C8orf34: variants seen among roughly 807,000 people sequenced by gnomAD.
C8orf34 encodes the protein uncharacterized protein C8orf34.
A neutral mutation model predicts 68.3 loss-of-function variants in C8orf34; 65 were observed. The observed-to-expected ratio is 0.95, with a 90% confidence interval of 0.78 to 1.17. The LOEUF (loss-of-function observed/expected upper bound fraction) is 1.17. C8orf34 is among the 50% of genes most tolerant of loss of function. The probability of loss-of-function intolerance (pLI) is 0.00; values close to 1 mark genes in which losing one functional copy is unlikely to be tolerated. For missense variants in C8orf34, 664 were observed against 655.4 expected, an observed-to-expected ratio of 1.01 and a Z score of -0.14; for synonymous variants, 244 against 241.2, an observed-to-expected ratio of 1.01 and a Z score of -0.11.
chr8:68,533,608 G>A (rs1815342293), intron 7 of C8orf34: 1 of 985,236 alleles, frequency 1.0e-6, no homozygotes, highest in Non-Finnish European at 1.2e-6. Context: ...AGTAAATTCA[G>A]GTTTTATGTT....
intron 12 of C8orf34, among the ~76,000 whole-genome samples, chr8:68,790,430 C>A (rs1414456454): frequency 1.3e-5 from 2 of 152,180 alleles, no homozygotes; most frequent in African/African-American, 4.8e-5. Context: ...TGTCTAATTT[C>A]TCTTGAGACA....
At chr8:68,729,267 T>A (rs55821789) in intron 10 of C8orf34, among the ~76,000 whole-genome samples, 9,143 of 152,288 alleles carry the variant, frequency 0.06, 363 homozygotes, top group Middle Eastern at 0.11. Context: ...TTCTATTCAC[T>A]GACTGAATGT....
At chr8:68,462,117 CA>C (rs1211016939) in intron 3 of C8orf34, among the ~76,000 whole-genome samples, 2 of 151,234 alleles carry the variant, frequency 1.3e-5, no homozygotes, top group South Asian at 2.1e-4. Flanking sequence ...AAATGGAAAA[CA>C]AAAAAAGGCA....
chr8:68,591,851 G>A (rs181777567), intron 7 of C8orf34, among the ~76,000 whole-genome samples: 1 of 152,126 alleles, frequency 6.6e-6, no homozygotes, highest in Admixed American at 6.5e-5. Flanking sequence ...CCCATGATCA[G>A]ACTATTACTA....
chr8:68,331,776 T>C (rs1255181621), intron 1 of C8orf34, among the ~76,000 whole-genome samples: 45 of 121,840 alleles, frequency 3.7e-4, no homozygotes, highest in East Asian at 6.8e-4. Context: ...TTTTCTTTTC[T>C]TTCCTTCTTT....
intron 1 of C8orf34, among the ~76,000 whole-genome samples, chr8:68,412,351 T>C (rs996375914): frequency 6.6e-6 from 1 of 152,282 alleles, no homozygotes. Context: ...TAGTATAGTT[T>C]TCCTAGCTGA....
At chr8:68,407,809 G>A (rs1010439954) in intron 1 of C8orf34, among the ~76,000 whole-genome samples, 3 of 151,798 alleles carry the variant, frequency 2.0e-5, no homozygotes, top group African/African-American at 7.3e-5. Flanking sequence ...AAGATCCTTT[G>A]AATTTATTAC....
intron 12 of C8orf34, among the ~76,000 whole-genome samples, chr8:68,802,849 A>T (rs1471693847): frequency 6.6e-6 from 1 of 152,180 alleles, no homozygotes; most frequent in African/African-American, 2.4e-5. Context: ...ATATTTGTGC[A>T]TTCAATTTTA....
chr8:68,388,246 A>G (rs1808341830), intron 1 of C8orf34, among the ~76,000 whole-genome samples: 1 of 152,114 alleles, frequency 6.6e-6, no homozygotes, highest in African/African-American at 2.4e-5. Flanking sequence ...ATAAAGTGCA[A>G]TTACTAATAT....
At chr8:68,603,824 AC>A (rs1230179361) in intron 7 of C8orf34, among the ~76,000 whole-genome samples, 4 of 152,106 alleles carry the variant, frequency 2.6e-5, no homozygotes, top group African/African-American at 9.7e-5. Context: ...AAATTGCCAA[AC>A]TTTTCAAATT....
intron 5 of C8orf34, among the ~76,000 whole-genome samples, chr8:68,495,923 T>G (rs1563485795): frequency 2.0e-5 from 3 of 152,378 alleles, no homozygotes; most frequent in Non-Finnish European, 4.4e-5. Context: ...TGGTAAATAA[T>G]TACTGGGTAA....
At chr8:68,462,188 CAAAG>C (rs1323568786) in intron 3 of C8orf34, among the ~76,000 whole-genome samples, 2 of 151,840 alleles carry the variant, frequency 1.3e-5, no homozygotes, top group Non-Finnish European at 2.9e-5. Context: ...TCAAAAGAGA[CAAAG>C]AAGGCCATTA....
chr8:68,546,025 A>C (rs1465794676), intron 7 of C8orf34, among the ~76,000 whole-genome samples: 1 of 152,116 alleles, frequency 6.6e-6, no homozygotes, highest in East Asian at 1.9e-4. Context: ...GAACATAATA[A>C]ATTGGGAATG....
intron 5 of C8orf34, among the ~76,000 whole-genome samples, chr8:68,520,865 TA>T (rs1406043721): frequency 6.6e-6 from 1 of 152,228 alleles, no homozygotes; most frequent in Non-Finnish European, 1.5e-5. Context: ...GAAGAGGCAT[TA>T]AAAATATATT....
At chr8:68,379,030 A>C (rs1398397676) in intron 1 of C8orf34, among the ~76,000 whole-genome samples, 1 of 152,222 alleles carries the variant, frequency 6.6e-6, no homozygotes, top group Non-Finnish European at 1.5e-5. Flanking sequence ...GTATATTATT[A>C]AATGCTTTTC....
At chr8:68,412,916 T>C (rs1450994669) in intron 1 of C8orf34, among the ~76,000 whole-genome samples, 2 of 152,186 alleles carry the variant, frequency 1.3e-5, no homozygotes, top group Admixed American at 6.5e-5. Flanking sequence ...CTCTGTGTCC[T>C]ATCAAGCTTA....
chr8:68,402,274 T>C (rs1808992575), intron 1 of C8orf34, among the ~76,000 whole-genome samples: 1 of 152,110 alleles, frequency 6.6e-6, no homozygotes, highest in South Asian at 2.1e-4. Context: ...ATTTCTGATT[T>C]TGTATATTTG....
intron 3 of C8orf34, among the ~76,000 whole-genome samples, chr8:68,462,189 A>G (rs1466984626): frequency 6.6e-6 from 1 of 152,148 alleles, no homozygotes; most frequent in African/African-American, 2.4e-5. Flanking sequence ...CAAAAGAGAC[A>G]AAGAAGGCCA....
At chr8:68,432,467 T>A (rs1810489467) in intron 1 of C8orf34, among the ~76,000 whole-genome samples, 1 of 152,038 alleles carries the variant, frequency 6.6e-6, no homozygotes, top group Admixed American at 6.6e-5. Flanking sequence ...CACACCACCA[T>A]GGCCAGCTAA....
Sources: allele counts gnomAD v4.1 joint callset (sites outside exome capture counted in the v4.1 genomes callset), GRCh38; gene constraint gnomAD v4.1.1; transcripts MANE v1.5; gene names NCBI Gene and HGNC (gene_info 2026-07-23, HGNC 2026-07-21).